TNR: variants seen among roughly 807,000 people sequenced by gnomAD.
TNR encodes the protein tenascin-R.
Under a neutral mutation model 150.4 loss-of-function variants are expected in TNR, and 45 were observed. The observed-to-expected ratio is 0.30, with a 90% confidence interval of 0.24 to 0.38. TNR has a LOEUF of 0.38. TNR is among the 10% of genes least tolerant of loss of function. TNR has a pLI of 1.00. For missense variants in TNR, 1,544 were observed against 1,759.1 expected (o/e 0.88, Z 2.19); for synonymous variants, 687 against 678.4 (o/e 1.01, Z -0.20).
At chr1:175,490,298 A>G (rs182743264) in intron 2 of TNR, among the ~76,000 whole-genome samples, 7 of 152,338 alleles carry the variant, frequency 4.6e-5, no homozygotes, top group Admixed American at 4.6e-4. Context: ...AATACCATTC[A>G]GGACACAGGC....
intron 2 of TNR, among the ~76,000 whole-genome samples, chr1:175,429,172 A>C (rs1215203773): frequency 6.6e-6 from 1 of 152,206 alleles, no homozygotes; most frequent in African/African-American, 2.4e-5. Flanking sequence ...GTGTCAAATA[A>C]ATTAAAGAAT....
chr1:175,597,143 C>T (rs1225385810), intron 1 of TNR, among the ~76,000 whole-genome samples: 2 of 152,172 alleles, frequency 1.3e-5, no homozygotes, highest in Admixed American at 6.5e-5. Context: ...CAAACATTAT[C>T]TCATTAAATC....
intron 1 of TNR, among the ~76,000 whole-genome samples, chr1:175,572,574 A>C (rs1661922145): frequency 6.6e-6 from 1 of 152,158 alleles, no homozygotes; most frequent in Non-Finnish European, 1.5e-5. Context: ...ACTGTCATCC[A>C]TCTGTGGTGT....
chr1:175,523,327 T>C (rs860900), intron 2 of TNR, among the ~76,000 whole-genome samples: 1 of 152,210 alleles, frequency 6.6e-6, no homozygotes, highest in African/African-American at 2.4e-5. Flanking sequence ...TACACAATTA[T>C]GCAAATGATG....
intron 1 of TNR, among the ~76,000 whole-genome samples, chr1:175,644,549 C>A (rs968171082): frequency 6.6e-6 from 1 of 152,228 alleles, no homozygotes; most frequent in Non-Finnish European, 1.5e-5. Context: ...CAGCCCTCAT[C>A]CAATTCCACA....
chr1:175,540,418 G>A (rs1260791359), intron 1 of TNR, among the ~76,000 whole-genome samples: 1 of 152,180 alleles, frequency 6.6e-6, no homozygotes, highest in African/African-American at 2.4e-5. Flanking sequence ...AGAAGGGAAA[G>A]GTTTTCAATT....
intron 1 of TNR, among the ~76,000 whole-genome samples, chr1:175,559,741 G>T (rs1470537635): frequency 1.3e-5 from 2 of 152,052 alleles, no homozygotes; most frequent in Non-Finnish European, 1.5e-5. Context: ...GGACCTTCAG[G>T]TTATTTCTGT....
intron 2 of TNR, among the ~76,000 whole-genome samples, chr1:175,518,162 T>C (rs80221351): frequency 0.013 from 1,969 of 152,340 alleles, 56 homozygotes; most frequent in African/African-American, 0.045. Context: ...TGTTTACACA[T>C]CTGTAATCAT....
chr1:175,393,748 G>A, intron 6 of TNR, 32 bp downstream of exon 6: 3 of 1,520,648 alleles, frequency 2.0e-6, no homozygotes, highest in Non-Finnish European at 2.7e-6. Flanking sequence ...TTCCAAATAA[G>A]TCTGTTTGGC....
At chr1:175,734,684 G>A (rs1476939396) in intron 1 of TNR, among the ~76,000 whole-genome samples, 2 of 152,208 alleles carry the variant, frequency 1.3e-5, no homozygotes, top group African/African-American at 2.4e-5. Flanking sequence ...GTTTGAAGCC[G>A]CTTGGTTTTG....
intron 1 of TNR, among the ~76,000 whole-genome samples, chr1:175,581,311 A>C (rs919779006): frequency 5.9e-5 from 9 of 152,172 alleles, no homozygotes; most frequent in African/African-American, 2.2e-4. Flanking sequence ...TGTAATCTCC[A>C]CACTCTTAGA....
intron 1 of TNR, among the ~76,000 whole-genome samples, chr1:175,630,376 T>C (rs927449450): frequency 3.3e-5 from 5 of 152,214 alleles, no homozygotes; most frequent in African/African-American, 1.2e-4. Context: ...TGTCTATCAG[T>C]AGCAAATCAC....
At chr1:175,406,193 C>A (rs530365666) in intron 3 of TNR, 23 bp downstream of exon 3, 11 of 1,604,478 alleles carry the variant, frequency 6.9e-6, no homozygotes, top group Non-Finnish European at 9.4e-6. Flanking sequence ...CCTGAGACCA[C>A]GCTGCGAGCT....
At position 175,599,431 on chromosome 1, in the gene TNR, G is replaced by A. The variant is rs1452553550; in HGVS notation, c.-164-71062C>T. ...TGTTCGTGTTGTCATGGCGACGGAA[G>A]CAGACCATTAGAGCATTACGAGGAA... On this transcript the variant is annotated intron_variant, in intron 1 of 22. Coordinates refer to ENST00000367674, the MANE Select transcript of TNR (RefSeq NM_003285.3). The surrounding 1 kb of genome is among the most constrained non-coding windows in gnomAD (Gnocchi z 4.7). Among the ~76,000 whole-genome samples the A allele has an allele frequency of 7.2e-5, 11 of 152,402 alleles. No homozygotes were observed. The highest frequency in any genetic ancestry group is 6.2e-4 in the South Asian group (3 of 4,832).
At chr1:175,695,953 GATGGATGC>G (rs1319183199) in intron 1 of TNR, among the ~76,000 whole-genome samples, 1 of 151,684 alleles carries the variant, frequency 6.6e-6, no homozygotes, top group Non-Finnish European at 1.5e-5. Context: ...TGGATGGAAG[GATGGATGC>G]ATGGATGCAT....
At chr1:175,502,044 T>C (rs1179785484) in intron 2 of TNR, among the ~76,000 whole-genome samples, 4 of 152,192 alleles carry the variant, frequency 2.6e-5, no homozygotes, top group African/African-American at 9.7e-5. Context: ...AAGAAGTTTC[T>C]CCATTGATTC....
At chr1:175,659,138 C>G (rs190560498) in intron 1 of TNR, among the ~76,000 whole-genome samples, 71 of 152,292 alleles carry the variant, frequency 4.7e-4, no homozygotes, top group African/African-American at 1.6e-3. Context: ...CAGCTCAGGC[C>G]TCCACTGGCA....
At chr1:175,718,644 A>T (rs955938620) in intron 1 of TNR, among the ~76,000 whole-genome samples, 1 of 152,214 alleles carries the variant, frequency 6.6e-6, no homozygotes, top group Non-Finnish European at 1.5e-5. Flanking sequence ...TTCCATCCTA[A>T]ATAGACAAAT....
At chr1:175,610,867 G>C (rs1468609112) in intron 1 of TNR, among the ~76,000 whole-genome samples, 1 of 152,226 alleles carries the variant, frequency 6.6e-6, no homozygotes, top group Non-Finnish European at 1.5e-5. Context: ...TGCAGTAAGA[G>C]AGAAGGGGAG....
Sources: gnomAD v4.1 joint callset for allele counts (sites outside exome capture counted in the v4.1 genomes callset) on GRCh38, gnomAD v4.1.1 for gene constraint, Gnocchi (gnomAD v3.1) non-coding constraint, MANE v1.5 for transcripts, NCBI Gene and HGNC (gene_info 2026-07-23, HGNC 2026-07-21) for gene names.